The following SPOPL variants were observed in gnomAD, a reference collection of about 807,000 sequenced individuals.
The protein encoded by SPOPL is speckle type BTB/POZ protein like, also known as speckle-type POZ protein-like.
A neutral mutation model predicts 53.8 loss-of-function variants in SPOPL; 23 were observed. The observed-to-expected ratio is 0.43, with a 90% confidence interval of 0.31 to 0.61. SPOPL has a LOEUF of 0.61. Among genes scored for constraint, SPOPL ranks in the 20% least tolerant of loss-of-function variants. The pLI is 0.12. For synonymous variants in SPOPL, 164 were observed against 149.7 expected (o/e 1.10, Z -0.70); for missense variants, 442 against 466.9 (o/e 0.95, Z 0.49).
intron 1 of SPOPL, among the ~76,000 whole-genome samples, chr2:138,536,777 A>C (rs1437083253): frequency 6.6e-6 from 1 of 152,160 alleles, no homozygotes; most frequent in African/African-American, 2.4e-5. Flanking sequence ...GTTTCCTTGC[A>C]AATGAACTTC....
chr2:138,518,223 A>G (rs1338389275), intron 1 of SPOPL, among the ~76,000 whole-genome samples: 8 of 152,104 alleles, frequency 5.3e-5, no homozygotes, highest in Admixed American at 3.3e-4. Context: ...CTGAAACAGA[A>G]AAGGTTGGGG....
chr2:138,508,066 A>G lies in SPOPL; in HGVS notation c.-61+5947A>G, dbSNP rs189422321. On this transcript the variant is annotated intron_variant, in intron 1 of 10. Transcript: ENST00000280098. The stretch of plus-strand genomic sequence containing the variant: ...GTACTAAACCTTGGGTATATGGTCA[A>G]TGATGGTGTTTCTGGGCTCAGTAGA... Among the ~76,000 whole-genome samples, 145 of 152,316 alleles carry G rather than the reference A, an allele frequency of 9.5e-4. 1 individual carries two copies. The highest frequency in any genetic ancestry group is 3.4e-3 in the Middle Eastern group (1 of 294).
intron 1 of SPOPL, among the ~76,000 whole-genome samples, chr2:138,532,846 A>C (rs1573884761): frequency 6.6e-6 from 1 of 152,030 alleles, no homozygotes; most frequent in Non-Finnish European, 1.5e-5. Flanking sequence ...TTGCTTGAGC[A>C]GCTCTAGATA....
intron 1 of SPOPL, among the ~76,000 whole-genome samples, chr2:138,547,106 T>C (rs1395477255): frequency 2.0e-5 from 3 of 151,978 alleles, no homozygotes; most frequent in African/African-American, 7.3e-5. Flanking sequence ...GCTGGCATTA[T>C]AGGCGCCCGC....
At chr2:138,553,124 C>T (rs751126838) in intron 5 of SPOPL, among the ~76,000 whole-genome samples, 50 of 152,004 alleles carry the variant, frequency 3.3e-4, no homozygotes, top group Admixed American at 6.6e-4. Flanking sequence ...ATTGTTCAGG[C>T]GGTTGGATTA....
intron 8 of SPOPL, chr2:138,564,489 G>T: frequency 4.2e-6 from 2 of 477,638 alleles, no homozygotes. Flanking sequence ...TCAAAAATAC[G>T]CTTATGCAAA....
At chr2:138,510,794 A>C (rs1684309133) in intron 1 of SPOPL, among the ~76,000 whole-genome samples, 1 of 152,178 alleles carries the variant, frequency 6.6e-6, no homozygotes, top group African/African-American at 2.4e-5. Context: ...ATTCCTCTGT[A>C]GTTTTTTATA....
intron 1 of SPOPL, among the ~76,000 whole-genome samples, chr2:138,522,225 T>C (rs1354227864): frequency 2.0e-5 from 3 of 152,168 alleles, no homozygotes; most frequent in South Asian, 4.1e-4. Flanking sequence ...GGATTGTTGC[T>C]TTAGGACCAC....
At chr2:138,530,209 T>A (rs1375000002) in intron 1 of SPOPL, among the ~76,000 whole-genome samples, 1 of 152,208 alleles carries the variant, frequency 6.6e-6, no homozygotes, top group African/African-American at 2.4e-5. Flanking sequence ...TTTAATCCAG[T>A]CTACCATTGA....
At chr2:138,506,482 T>TAAACTA (rs1487905401) in intron 1 of SPOPL, among the ~76,000 whole-genome samples, 1 of 152,116 alleles carries the variant, frequency 6.6e-6, no homozygotes, top group Non-Finnish European at 1.5e-5. Context: ...AGGATGGCAG[T>TAAACTA]GATAGAGATA....
chr2:138,527,788 G>C (rs1468219412), intron 1 of SPOPL, among the ~76,000 whole-genome samples: 1 of 152,170 alleles, frequency 6.6e-6, no homozygotes, highest in East Asian at 1.9e-4. Flanking sequence ...GTATCTGGCT[G>C]TCATGGTTTT....
At chr2:138,558,998 T>G (rs1558879609) in intron 5 of SPOPL, 24 bp from the exon 6 acceptor site, 1 of 1,544,802 alleles carries the variant, frequency 6.5e-7, no homozygotes, top group East Asian at 2.3e-5. Context: ...GAAAGTGTTT[T>G]TCTTGCTGTC....
In SPOPL at chr2:138,530,551, T is replaced by G. The variant is rs1684784511; in HGVS notation, c.-60-19606T>G. ...TTCTCTTAATATCATTGTGTAGTTTTCAGTGTAAAGATGGCATCCTTCATT... is the reference window on the plus strand; with the variant it reads ...TTCTCTTAATATCATTGTGTAGTTTGCAGTGTAAAGATGGCATCCTTCATT... On this transcript the variant is annotated intron_variant, in intron 1 of 10. Coordinates refer to ENST00000280098, the MANE Select transcript of SPOPL (RefSeq NM_001001664.3). 2.0e-5 allele frequency among the ~76,000 whole-genome samples: 3 copies of G among 152,222 alleles called. No homozygotes were observed. In the South Asian group the frequency reaches 6.2e-4, roughly 32 times the overall value.
At chr2:138,511,663 AT>A (rs1684327683) in intron 1 of SPOPL, among the ~76,000 whole-genome samples, 1 of 152,212 alleles carries the variant, frequency 6.6e-6, no homozygotes, top group African/African-American at 2.4e-5. Flanking sequence ...GATGCTATCA[AT>A]TTCAGAAATG....
chr2:138,521,400 A>G (rs992595780), intron 1 of SPOPL, among the ~76,000 whole-genome samples: 16 of 146,854 alleles, frequency 1.1e-4, no homozygotes, highest in African/African-American at 3.8e-4. Context: ...TACTGTTGCC[A>G]TGGAAAATGA....
intron 8 of SPOPL, among the ~76,000 whole-genome samples, chr2:138,563,330 T>A (rs1043158937): frequency 6.6e-6 from 1 of 151,988 alleles, no homozygotes; most frequent in Non-Finnish European, 1.5e-5. Context: ...AAAATTTTTT[T>A]AATTAGCCTG....
At chr2:138,561,232 T>G (rs1685541338) in intron 8 of SPOPL, among the ~76,000 whole-genome samples, 1 of 152,168 alleles carries the variant, frequency 6.6e-6, no homozygotes, top group African/African-American at 2.4e-5. Flanking sequence ...AATTTTCAGA[T>G]ATTTTTAGTC....
At chr2:138,516,578 G>A (rs1262897369) in intron 1 of SPOPL, among the ~76,000 whole-genome samples, 3 of 152,126 alleles carry the variant, frequency 2.0e-5, no homozygotes, top group East Asian at 3.9e-4. Flanking sequence ...CTCATCCAAG[G>A]TGATGATAGA....
intron 7 of SPOPL, 34 bp downstream of exon 7, chr2:138,559,371 T>C (rs747050708): frequency 6.4e-7 from 1 of 1,573,318 alleles, no homozygotes; most frequent in South Asian, 1.2e-5. Flanking sequence ...ATTGAATTTA[T>C]ATAAACGTAA....
Sources: gnomAD v4.1 joint callset for allele counts (sites outside exome capture counted in the v4.1 genomes callset) on GRCh38, gnomAD v4.1.1 for gene constraint, MANE v1.5 for transcripts, NCBI Gene and HGNC (gene_info 2026-07-23, HGNC 2026-07-21) for gene names.